Variants in NSD1 observed in about 807,000 individuals in gnomAD.
NSD1 encodes histone-lysine N-methyltransferase, H3 lysine-36 specific.
In NSD1, 26 loss-of-function variants were observed where a neutral mutation model predicts 242.7. That is an observed-to-expected ratio of 0.11 (90% confidence interval 0.08 to 0.15). The LOEUF (loss-of-function observed/expected upper bound fraction) is 0.15, where lower values mean the gene tolerates loss of function less well. Among genes scored for constraint, NSD1 ranks in the 10% least tolerant of loss-of-function variants. NSD1 has a pLI of 1.00. For synonymous variants in NSD1, 1,106 were observed against 1,178.1 expected, an observed-to-expected ratio of 0.94 and a Z score of 1.25; for missense variants, 2,495 against 3,272.8, an observed-to-expected ratio of 0.76 and a Z score of 5.80.
intron 5 of NSD1, among the ~76,000 whole-genome samples, chr5:177,213,477 T>G (rs1467932025): frequency 6.6e-6 from 1 of 152,212 alleles, no homozygotes. Context: ...TTTTTTCTTT[T>G]TTTTTCTTGA....
chr5:177,271,694 G>A (rs1339526404), intron 16 of NSD1, among the ~76,000 whole-genome samples: 1 of 152,202 alleles, frequency 6.6e-6, no homozygotes, highest in Non-Finnish European at 1.5e-5. Context: ...TTGGGGGAGT[G>A]TTGGGCTATT....
intron 11 of NSD1, among the ~76,000 whole-genome samples, chr5:177,249,441 CT>C (rs990231083): frequency 6.6e-6 from 1 of 151,002 alleles, no homozygotes; most frequent in Non-Finnish European, 1.5e-5. Flanking sequence ...TTTCTTTTTT[CT>C]TTTTTATTAA....
chr5:177,279,225 T>C (rs1394417326), intron 17 of NSD1, among the ~76,000 whole-genome samples: 1 of 152,178 alleles, frequency 6.6e-6, no homozygotes, highest in Non-Finnish European at 1.5e-5. Flanking sequence ...CTCACACCTA[T>C]AATCCCAGCA....
Position 177,211,343 on chromosome 5 carries a change from G to C in NSD1, c.2944G>C (p.Gly982Arg), listed in dbSNP as rs587784091. The C allele has an allele frequency of 9.8e-5, 158 of 1,614,016 alleles. No homozygotes were observed. Among genetic ancestry groups the C allele is most frequent in the Non-Finnish European group, 1.3e-4 (152 of 1,180,038 alleles). ...TQNSANPSPS[G>R]GDSALSGELS... ...GAACTCCGCCAATCCTAGCCCTAGT[G>C]GGGGTGACTCTGCATTATCTGGCGA... Residue 982 changes from glycine to arginine, a missense_variant, in exon 5 of 23, where the codon GGG becomes CGG. Physicochemically the swap from Gly to Arg is moderately radical, Grantham distance 125. This residue lies in a region of NSD1 where 426 missense variants were observed against 411.4 expected (regional missense o/e 1.04). Transcript: ENST00000439151.
chr5:177,156,970 C>CTAAA (rs34821534), intron 2 of NSD1, among the ~76,000 whole-genome samples: 2,139 of 151,722 alleles, frequency 0.014, 46 homozygotes, highest in African/African-American at 0.047. Context: ...GACTCTGTCT[C>CTAAA]TAAATAAATA....
At chr5:177,245,232 T>C in intron 9 of NSD1, among the ~76,000 whole-genome samples, 1 of 152,230 alleles carries the variant, frequency 6.6e-6, no homozygotes, top group East Asian at 1.9e-4. Flanking sequence ...AGACCATGTC[T>C]CTTAAAATAA....
At chr5:177,190,858 G>A (rs1317461983) in intron 2 of NSD1, among the ~76,000 whole-genome samples, 2 of 151,174 alleles carry the variant, frequency 1.3e-5, no homozygotes, top group Admixed American at 6.6e-5. Context: ...TAGTAGAGAC[G>A]GGGTTTCACC....
At chr5:177,265,227 G>T (rs1220248551) in intron 14 of NSD1, 21 of 770,934 alleles carry the variant, frequency 2.7e-5, no homozygotes, top group Admixed American at 5.2e-5. Context: ...TATTCCCTAT[G>T]AATTCATGGC....
chr5:177,192,140 A>G (rs1383272153), intron 3 of NSD1, 121 bp downstream of exon 3: 3 of 853,906 alleles, frequency 3.5e-6, no homozygotes, highest in Non-Finnish European at 5.2e-6. Context: ...TTGGTGTTAC[A>G]TATTTTATCT....
Position 177,134,278 on chromosome 5 carries a change from C to T in NSD1, c.-18+326C>T, listed in dbSNP as rs928081829. ...GCTGCGGGGCGCGGGGCCGGCTGCC[C>T]TCCCGCAGCAAACTTTGCTTGCTGC... On this transcript the variant is annotated intron_variant, in intron 1 of 22. Coordinates refer to ENST00000439151, the MANE Select transcript of NSD1 (RefSeq NM_022455.5). The surrounding 1 kb of genome is among the most constrained non-coding windows in gnomAD (Gnocchi z 4.2). 1.5e-4 allele frequency: 23 copies of T among 152,128 alleles called. No individual in the cohort carries two copies. Among genetic ancestry groups the T allele is most frequent in the African/African-American group, 5.1e-4 (21 of 41,518 alleles). 9.4% of individuals were successfully genotyped at this position (152,128 alleles called of 1,614,324 possible). A position where few individuals can be genotyped will look rare whatever the true frequency, so the allele number is the denominator to read the frequency against.
In NSD1 at chr5:177,294,366, C is replaced by A. The variant is rs1328930306; in HGVS notation, c.6998C>A (p.Pro2333His). 2 of 1,614,070 alleles carry A rather than the reference C, an allele frequency of 1.2e-6. No individual in the cohort carries two copies. Among genetic ancestry groups the A allele is most frequent in the African/African-American group, 2.7e-5 (2 of 74,916 alleles). Residue 2333 changes from proline to histidine, a missense_variant, in exon 23 of 23, where the codon CCC becomes CAC. Around this residue, in one of 19 missense-constraint regions of NSD1, gnomAD observed 475 missense variants for 563.7 expected, o/e 0.84. Coordinates refer to ENST00000439151, the MANE Select transcript of NSD1 (RefSeq NM_022455.5). The part of the protein sequence containing the change: ...AGPRPQLSDK[P>H]SPVTSPSSSP... ...CCAAGACCCCAGCTAAGCGACAAAC[C>A]CTCTCCAGTGACCAGCCCAAGCTCC... is the stretch of plus-strand genomic sequence containing the variant.
chr5:177,277,058 T>C (rs1238924805), intron 17 of NSD1, among the ~76,000 whole-genome samples: 1 of 152,046 alleles, frequency 6.6e-6, no homozygotes, highest in Non-Finnish European at 1.5e-5. Flanking sequence ...ATTAACCATA[T>C]TGAGCTACTG....
chr5:177,163,508 G>A (rs1377648891), intron 2 of NSD1, among the ~76,000 whole-genome samples: 2 of 152,106 alleles, frequency 1.3e-5, no homozygotes, highest in African/African-American at 4.8e-5. Flanking sequence ...AGTTGGACAG[G>A]CCTCCATTTG....
chr5:177,274,894 C>T (rs982692018), intron 17 of NSD1, among the ~76,000 whole-genome samples: 4 of 151,766 alleles, frequency 2.6e-5, no homozygotes, highest in Non-Finnish European at 5.9e-5. Context: ...CCACTATATG[C>T]GGCTAATTTT....
chr5:177,272,512 G>A (rs1758023667), intron 16 of NSD1, among the ~76,000 whole-genome samples: 6 of 152,174 alleles, frequency 3.9e-5, no homozygotes, highest in Admixed American at 3.3e-4. Flanking sequence ...TGTGGGTGAA[G>A]AATAAGGAAT....
At chr5:177,262,473 A>T (rs1487679420) in intron 14 of NSD1, among the ~76,000 whole-genome samples, 1 of 152,220 alleles carries the variant, frequency 6.6e-6, no homozygotes, top group African/African-American at 2.4e-5. Context: ...AAAAAAATAG[A>T]TACCACTGTG....
In NSD1 at chr5:177,296,039, T is replaced by C; in HGVS notation, c.*580T>C. On this transcript the variant is annotated 3_prime_UTR_variant, in exon 23 of 23. Transcript: ENST00000439151. ...GGAAGTTCTGAGGGGCCCTGGGGCT[T>C]TAGACTCATTTTGAAATGTCCTTTG... 3.8e-6 allele frequency: 1 copy of C among 260,212 alleles called. No homozygotes were observed. The highest frequency in any genetic ancestry group is 7.5e-6 in the Non-Finnish European group (1 of 133,128). 16.1% of individuals were successfully genotyped at this position (260,212 alleles called of 1,614,324 possible).
intron 5 of NSD1, among the ~76,000 whole-genome samples, chr5:177,222,227 C>G (rs1050997579): frequency 2.0e-5 from 3 of 152,182 alleles, no homozygotes; most frequent in African/African-American, 7.2e-5. Context: ...CTCCCAGGTA[C>G]AAGCGATTCT....
chr5:177,247,565 TAAAAA>T (rs397881704), intron 10 of NSD1, among the ~76,000 whole-genome samples: 106 of 133,526 alleles, frequency 7.9e-4, no homozygotes, highest in African/African-American at 2.8e-3. Context: ...TGTCTCTACT[TAAAAA>T]AAAAAAAAAA....
Sources: allele counts gnomAD v4.1 joint callset (sites outside exome capture counted in the v4.1 genomes callset), GRCh38; gene constraint gnomAD v4.1.1; regional missense constraint gnomAD v4.1.1; non-coding constraint Gnocchi (gnomAD v3.1); transcripts MANE v1.5; gene names NCBI Gene and HGNC (gene_info 2026-07-23, HGNC 2026-07-21).